Variants in PCDHGB4 observed in about 807,000 individuals in gnomAD.
PCDHGB4 encodes the protein protocadherin gamma-B4.
A neutral mutation model predicts 60.5 loss-of-function variants in PCDHGB4; 38 were observed. The observed-to-expected ratio is 0.63, with a 90% confidence interval of 0.48 to 0.82. The LOEUF (loss-of-function observed/expected upper bound fraction) is 0.82. Ranked by LOEUF, PCDHGB4 falls within the 40% of genes least tolerant of loss-of-function variation. The pLI, the probability that PCDHGB4 is intolerant of heterozygous loss-of-function variation, is 0.00. For missense variants in PCDHGB4, 1,109 were observed against 1,209.6 expected (o/e 0.92, Z 1.23); for synonymous variants, 456 against 509.7 (o/e 0.89, Z 1.42).
At chr5:141,399,075 A>C (rs759361503) in intron 1 of PCDHGB4, 1 of 1,613,868 alleles carries the variant, frequency 6.2e-7, no homozygotes, top group Non-Finnish European at 8.5e-7. Flanking sequence ...TGGTTGTAGA[A>C]GGGAGGGATG....
At position 141,490,341 on chromosome 5, in the gene PCDHGB4, A is replaced by C. The variant is rs778299384; in HGVS notation, c.2398-4466A>C. ...TCCTAGAGAGCACACCAGTGGGCACAGTAGTGGGGTTGTTTAATGTGCGAG... is the reference window on the plus strand; with the variant it reads ...TCCTAGAGAGCACACCAGTGGGCACCGTAGTGGGGTTGTTTAATGTGCGAG... On this transcript the variant is annotated intron_variant, in intron 1 of 3. Coordinates refer to ENST00000519479, the MANE Select transcript of PCDHGB4 (RefSeq NM_003736.4). This position sits in a 1 kb window ranked among gnomAD's most constrained non-coding sequence, Gnocchi z 5.4. The C allele has an allele frequency of 5.0e-6, 8 of 1,614,204 alleles. No homozygotes were observed. The South Asian group carries it at 8.8e-5, about 18-fold the overall frequency.
intron 1 of PCDHGB4, among the ~76,000 whole-genome samples, chr5:141,406,576 A>T (rs909778588): frequency 8.5e-5 from 13 of 152,222 alleles, no homozygotes; most frequent in Non-Finnish European, 8.8e-5. Context: ...CTAGTAAACC[A>T]ATTTTTTCCC....
intron 1 of PCDHGB4, chr5:141,423,023 C>G (rs1410040994): frequency 6.2e-7 from 1 of 1,614,222 alleles, no homozygotes; most frequent in Non-Finnish European, 8.5e-7. Context: ...GACAAAGATT[C>G]AGGCCAGAAC....
At chr5:141,405,130 G>A in intron 1 of PCDHGB4, 1 of 1,614,012 alleles carries the variant, frequency 6.2e-7, no homozygotes, top group South Asian at 1.1e-5. Flanking sequence ...ATCTGCTGCG[G>A]GCTACCAGTG....
intron 1 of PCDHGB4, chr5:141,428,413 C>A: frequency 2.2e-6 from 1 of 461,904 alleles, no homozygotes; most frequent in Non-Finnish European, 4.0e-6. Context: ...TTGCTTTCAC[C>A]CTGGTCTCTG....
intron 1 of PCDHGB4, among the ~76,000 whole-genome samples, chr5:141,472,346 C>G (rs1393301393): frequency 6.6e-6 from 1 of 151,722 alleles, no homozygotes; most frequent in Non-Finnish European, 1.5e-5. Flanking sequence ...TCGAGACCAT[C>G]CTGGCTAACA....
At chr5:141,424,357 G>A (rs1171882619) in intron 1 of PCDHGB4, 1 of 152,122 alleles carries the variant, frequency 6.6e-6, no homozygotes, top group Non-Finnish European at 1.5e-5. Context: ...ATAAAATTTA[G>A]ATCACATTTT....
At chr5:141,496,249 A>G (rs1385823714) in intron 2 of PCDHGB4, among the ~76,000 whole-genome samples, 1 of 152,078 alleles carries the variant, frequency 6.6e-6, no homozygotes, top group East Asian at 1.9e-4. Context: ...GCTGAAGGGG[A>G]GGGAAACTTC....
At chr5:141,446,767 G>A (rs891355909) in intron 1 of PCDHGB4, among the ~76,000 whole-genome samples, 12 of 152,118 alleles carry the variant, frequency 7.9e-5, no homozygotes, top group Non-Finnish European at 1.2e-4. Flanking sequence ...GCGCCCAGCC[G>A]GTTACCATTC....
chr5:141,396,620 A>C (rs1222901061), intron 1 of PCDHGB4: 1 of 142,662 alleles, frequency 7.0e-6, no homozygotes, highest in Admixed American at 7.0e-5. Flanking sequence ...ACTCCGTCTC[A>C]AAAAAAAAAA....
chr5:141,432,031 C>T lies in PCDHGB4; in HGVS notation c.2397+41750C>T. The T allele has an allele frequency of 6.2e-7, 1 of 1,614,220 alleles. No individual in the cohort carries two copies. Among genetic ancestry groups the T allele is most frequent in the Non-Finnish European group, 8.5e-7 (1 of 1,180,048 alleles). ...CTAGCTACAACATCACAGTGACCGC[C>T]ACTGACCGGGGAACCCCGCCCCTAT... On this transcript the variant is annotated intron_variant, in intron 1 of 3. Coordinates refer to ENST00000519479, the MANE Select transcript of PCDHGB4 (RefSeq NM_003736.4). This position sits in a 1 kb window ranked among gnomAD's most constrained non-coding sequence, Gnocchi z 6.0.
At chr5:141,398,349 C>T in intron 1 of PCDHGB4, 2 of 1,397,134 alleles carry the variant, frequency 1.4e-6, no homozygotes, top group Non-Finnish European at 2.0e-6. Flanking sequence ...AGAAGCCTTA[C>T]TTCACCGTGA....
intron 1 of PCDHGB4, among the ~76,000 whole-genome samples, chr5:141,473,096 G>A (rs1007912058): frequency 9.9e-5 from 15 of 152,058 alleles, no homozygotes; most frequent in African/African-American, 3.6e-4. Context: ...ACTGTGAGTT[G>A]TATTACCACA....
chr5:141,392,809 CA>C, intron 1 of PCDHGB4: 1 of 1,578,772 alleles, frequency 6.3e-7, no homozygotes, highest in Non-Finnish European at 8.6e-7. Flanking sequence ...TGCAGCAAAA[CA>C]ACAATGGCCG....
At chr5:141,403,039 T>A (rs989723883) in intron 1 of PCDHGB4, 64 of 1,614,050 alleles carry the variant, frequency 4.0e-5, no homozygotes, top group Non-Finnish European at 5.4e-5. Context: ...CCAGGGCCAG[T>A]CAGATTCGCT....
At chr5:141,442,417 T>A (rs2098323611) in intron 1 of PCDHGB4, 1 of 152,152 alleles carries the variant, frequency 6.6e-6, no homozygotes, top group Non-Finnish European at 1.5e-5. Flanking sequence ...TGAGTGAACT[T>A]CTTTTTTGAA....
At chr5:141,399,470 TC>T in intron 1 of PCDHGB4, 1 of 1,614,018 alleles carries the variant, frequency 6.2e-7, no homozygotes, top group South Asian at 1.1e-5. Context: ...GCTCCGGTTT[TC>T]CACCAGGCGT....
intron 1 of PCDHGB4, chr5:141,418,345 T>G: frequency 6.2e-7 from 1 of 1,614,000 alleles, no homozygotes; most frequent in Non-Finnish European, 8.5e-7. Context: ...ATCCTGATAT[T>G]AGTATGAATT....
Position 141,389,495 on chromosome 5 carries a change from G to A in PCDHGB4, c.1611G>A (p.Ser537=), listed in dbSNP as rs751415442. The A allele has an allele frequency of 4.3e-6, 7 of 1,613,020 alleles. No individual in the cohort carries two copies. The highest frequency in any genetic ancestry group is 5.9e-6 in the Non-Finnish European group (7 of 1,179,732). Residue 537 remains serine, a synonymous_variant, in exon 1 of 4, where the codon TCG becomes TCA. Transcript: ENST00000519479. The part of the protein sequence containing the change: ...ELTLQARDQG[S]PALSANVSLR... The stretch of plus-strand genomic sequence containing the variant: ...CACTGCAGGCCCGCGACCAGGGCTC[G>A]CCAGCGCTCAGCGCGAACGTGAGCC...
Sources: allele counts gnomAD v4.1 joint callset (sites outside exome capture counted in the v4.1 genomes callset), GRCh38; gene constraint gnomAD v4.1.1; non-coding constraint Gnocchi (gnomAD v3.1); transcripts MANE v1.5; gene names NCBI Gene and HGNC (gene_info 2026-07-23, HGNC 2026-07-21).